The following ST3GAL2 variants were observed in gnomAD, a reference collection of about 807,000 sequenced individuals.
ST3GAL2 encodes the protein ST3 beta-galactoside alpha-2,3-sialyltransferase 2.
A neutral mutation model predicts 37.5 loss-of-function variants in ST3GAL2; 16 were observed. That is an observed-to-expected ratio of 0.43 (90% CI 0.29 to 0.65). The LOEUF (loss-of-function observed/expected upper bound fraction) is 0.65. Among genes scored for constraint, ST3GAL2 ranks in the 30% least tolerant of loss-of-function variants. The pLI is 0.17. For missense variants in ST3GAL2, 383 were observed against 487.8 expected (o/e 0.79, Z 2.02); for synonymous variants, 238 against 202.9 (o/e 1.17, Z -1.47).
At chr16:70,402,752 C>G (rs978651885) in intron 1 of ST3GAL2, among the ~76,000 whole-genome samples, 8 of 152,144 alleles carry the variant, frequency 5.3e-5, no homozygotes, top group African/African-American at 1.7e-4. Context: ...TGGGTTCAAA[C>G]GATTCTCCTG....
intron 4 of ST3GAL2, among the ~76,000 whole-genome samples, chr16:70,386,103 C>T (rs766897827): frequency 1.3e-5 from 2 of 152,154 alleles, no homozygotes; most frequent in African/African-American, 2.4e-5. Context: ...TCACTGTAAC[C>T]TCTGCCTCCC....
At chr16:70,402,330 T>C (rs1430848816) in intron 1 of ST3GAL2, among the ~76,000 whole-genome samples, 3 of 149,232 alleles carry the variant, frequency 2.0e-5, no homozygotes, top group African/African-American at 7.4e-5. Context: ...TTGTGGTGCA[T>C]TTTGTACCAT....
At chr16:70,397,043 C>CTTTTTTTT (rs35885469) in intron 2 of ST3GAL2, among the ~76,000 whole-genome samples, 1 of 130,284 alleles carries the variant, frequency 7.7e-6, no homozygotes, top group African/African-American at 2.9e-5. Flanking sequence ...TCTTTTCTTT[C>CTTTTTTTT]TTTTTTTTTT....
intron 1 of ST3GAL2, among the ~76,000 whole-genome samples, chr16:70,413,574 A>AAAAC (rs2151670925): frequency 6.7e-6 from 1 of 148,768 alleles, no homozygotes; most frequent in African/African-American, 2.5e-5. Context: ...AAAAAAAAAA[A>AAAAC]AAAAAAAAAA....
intron 1 of ST3GAL2, among the ~76,000 whole-genome samples, chr16:70,425,463 G>C (rs1050765656): frequency 6.6e-6 from 1 of 151,328 alleles, no homozygotes; most frequent in African/African-American, 2.4e-5. Flanking sequence ...CTCCGTCTCA[G>C]GACAAAAAAA....
At chr16:70,424,195 A>G (rs2047735205) in intron 1 of ST3GAL2, among the ~76,000 whole-genome samples, 1 of 139,572 alleles carries the variant, frequency 7.2e-6, no homozygotes, top group African/African-American at 2.6e-5. Context: ...GGGTTTCTCC[A>G]TGTTGGTCAG....
Position 70,398,235 on chromosome 16 carries a change from C to G in ST3GAL2, c.296G>C (p.Arg99Pro). The stretch of plus-strand genomic sequence containing the variant: ...GTCCGGTGGAAGATCCATGTTCTCT[C>G]GGGTCCAGACGGGGGAAATGTTACC... ...FDGNISPVWT[R>P]ENMDLPPDVQ... Residue 99 changes from arginine (R) to proline (P), a missense_variant, in exon 2 of 7, where the codon CGA becomes CCA. This residue lies in a region of ST3GAL2 where 223 missense variants were observed against 239.1 expected (regional missense o/e 0.93). Coordinates refer to ENST00000342907, the MANE Select transcript of ST3GAL2 (RefSeq NM_006927.4). 6.2e-7 allele frequency: 1 copy of G among 1,613,408 alleles called. No homozygotes were observed. Among genetic ancestry groups the G allele is most frequent in the Non-Finnish European group, 8.5e-7 (1 of 1,180,036 alleles).
intron 1 of ST3GAL2, among the ~76,000 whole-genome samples, chr16:70,437,803 A>T (rs774637895): frequency 2.0e-5 from 3 of 152,104 alleles, no homozygotes; most frequent in Non-Finnish European, 4.4e-5. Context: ...GATACCTTCC[A>T]CCTGAGAAGG....
Position 70,381,327 on chromosome 16 carries a change from G to C in ST3GAL2, c.*362C>G, listed in dbSNP as rs143074057. The C allele has an allele frequency of 5.4e-3, 1,077 of 199,428 alleles. 5 individuals are homozygous for C. Among genetic ancestry groups the C allele is most frequent in the Admixed American group, 0.013 (226 of 17,710 alleles). 12.4% of individuals were successfully genotyped at this position (199,428 alleles called of 1,614,324 possible). A position where few individuals can be genotyped will look rare whatever the true frequency, so the allele number is the denominator to read the frequency against. ...CGCCCGAGGCTGACGGAAGTGCTTC[G>C]CCGAGGCCCGCGCCATGCTCTCCTC... On this transcript the variant is annotated 3_prime_UTR_variant, in exon 7 of 7. Coordinates refer to ENST00000342907, the MANE Select transcript of ST3GAL2 (RefSeq NM_006927.4).
At chr16:70,396,755 G>A (rs972957688) in intron 2 of ST3GAL2, among the ~76,000 whole-genome samples, 5 of 152,182 alleles carry the variant, frequency 3.3e-5, no homozygotes, top group Non-Finnish European at 7.3e-5. Flanking sequence ...TTGGGAGCCT[G>A]CAGGGACTCA....
Position 70,439,022 on chromosome 16 carries a change from TCGCCGCCGCCGCCGCCGC to T in ST3GAL2, c.-1095_-1078del, listed in dbSNP as rs567688682. ...CCGCCGCCGCCCGCGCAGAAAGCCGTCGCCGCCGCCGCCGCCGCCGCCGCCGTCGTCCGGACCCGTTAG... is the reference window on the plus strand; with the variant it reads ...CCGCCGCCGCCCGCGCAGAAAGCCGTCGCCGCCGTCGTCCGGACCCGTTAG... On this transcript the variant is annotated 5_prime_UTR_variant, in exon 1 of 7. Coordinates refer to ENST00000342907, the MANE Select transcript of ST3GAL2 (RefSeq NM_006927.4). The T allele has an allele frequency of 2.3e-4, 36 of 157,444 alleles. No homozygotes were observed. In the East Asian group the frequency reaches 3.2e-3, roughly 14 times the overall value. 9.8% of individuals were successfully genotyped at this position (157,444 alleles called of 1,614,324 possible).
At chr16:70,432,837 T>A (rs1206909618) in intron 1 of ST3GAL2, among the ~76,000 whole-genome samples, 1 of 152,140 alleles carries the variant, frequency 6.6e-6, no homozygotes, top group African/African-American at 2.4e-5. Context: ...ACACAGGAAC[T>A]GAAAGCACAG....
intron 3 of ST3GAL2, among the ~76,000 whole-genome samples, chr16:70,389,385 T>C (rs1344497261): frequency 6.7e-6 from 1 of 148,808 alleles, no homozygotes; most frequent in Admixed American, 6.7e-5. Context: ...CTCACTGCAA[T>C]CCCCGCCTCC....
At chr16:70,381,952 G>GGGAGGCCCCGGGGAGATGCA (rs1201169302) in intron 6 of ST3GAL2, 90 bp from the exon 7 acceptor site, 2 of 1,535,384 alleles carry the variant, frequency 1.3e-6, no homozygotes, top group African/African-American at 2.7e-5. Flanking sequence ...GAGAGGGGAC[G>GGGAGGCCCCGGGGAGATGCA]GGAGGCCCCG....
chr16:70,402,518 A>T (rs1207820609), intron 1 of ST3GAL2, among the ~76,000 whole-genome samples: 3 of 152,202 alleles, frequency 2.0e-5, no homozygotes, highest in Admixed American at 2.0e-4. Context: ...AAAGATAATA[A>T]TAGAGAAAAT....
At chr16:70,388,215 T>C (rs1033985231) in intron 4 of ST3GAL2, 152 bp downstream of exon 4, 2 of 886,936 alleles carry the variant, frequency 2.3e-6, no homozygotes, top group African/African-American at 3.4e-5. Context: ...AAGCTGTGCC[T>C]TCAGCTCACC....
chr16:70,426,239 G>C (rs1165443693), intron 1 of ST3GAL2, among the ~76,000 whole-genome samples: 1 of 142,798 alleles, frequency 7.0e-6, no homozygotes. Flanking sequence ...TGTCGCCCAG[G>C]CTGGAGTGCA....
chr16:70,428,914 G>A (rs2047769628), intron 1 of ST3GAL2, among the ~76,000 whole-genome samples: 1 of 152,206 alleles, frequency 6.6e-6, no homozygotes, highest in African/African-American at 2.4e-5. Flanking sequence ...AAAAGGGTGG[G>A]GGAGAACTTG....
chr16:70,381,687 G>C lies in ST3GAL2; in HGVS notation c.*2C>G. The C allele has an allele frequency of 6.2e-7, 1 of 1,612,754 alleles. No individual in the cohort carries two copies. Among genetic ancestry groups the C allele is most frequent in the Non-Finnish European group, 8.5e-7 (1 of 1,179,406 alleles). ...GCCGGAAGGGTCGCGGCGAGGCCCGGCTCAGTTGCCCCGGTAGACTTCGAT... is the reference window on the plus strand; with the variant it reads ...GCCGGAAGGGTCGCGGCGAGGCCCGCCTCAGTTGCCCCGGTAGACTTCGAT... On this transcript the variant is annotated 3_prime_UTR_variant, in exon 7 of 7. Transcript: ENST00000342907.
Sources: allele counts gnomAD v4.1 joint callset (sites outside exome capture counted in the v4.1 genomes callset), GRCh38; gene constraint gnomAD v4.1.1; regional missense constraint gnomAD v4.1.1; transcripts MANE v1.5; gene names NCBI Gene and HGNC (gene_info 2026-07-23, HGNC 2026-07-21).